Variants in TRNAU1AP observed in about 807,000 individuals in gnomAD.
TRNAU1AP encodes the protein tRNA selenocysteine 1 associated protein 1.
Under a neutral mutation model 43.3 loss-of-function variants are expected in TRNAU1AP, and 33 were observed. That is an observed-to-expected ratio of 0.76 (90% confidence interval 0.58 to 1.02). The LOEUF is 1.02. Ranked by LOEUF, TRNAU1AP falls within the 50% of genes least tolerant of loss-of-function variation. TRNAU1AP has a pLI of 0.00. For synonymous variants in TRNAU1AP, 143 were observed against 129.1 expected (o/e 1.11, Z -0.73); for missense variants, 290 against 362.7 (o/e 0.80, Z 1.63).
intron 1 of TRNAU1AP, 120 bp from the exon 2 acceptor site, chr1:28,553,520 C>G (rs1665182148): frequency 5.3e-6 from 5 of 936,392 alleles, no homozygotes; most frequent in Non-Finnish European, 8.2e-6. Context: ...GGAGGCGAAC[C>G]TCGCCCCTCG....
intron 3 of TRNAU1AP, chr1:28,561,143 C>T (rs1323015941): frequency 7.0e-7 from 1 of 1,419,546 alleles, no homozygotes; most frequent in East Asian, 2.6e-5. Context: ...CCAGCTGGCA[C>T]ACCTGGGCTC....
intron 2 of TRNAU1AP, among the ~76,000 whole-genome samples, chr1:28,559,133 G>A (rs1241921662): frequency 2.6e-5 from 4 of 151,472 alleles, no homozygotes; most frequent in East Asian, 2.0e-4. Flanking sequence ...GTGCAGTGGC[G>A]CGATCTCGGC....
intron 8 of TRNAU1AP, among the ~76,000 whole-genome samples, chr1:28,576,828 A>G (rs527437989): frequency 1.2e-4 from 18 of 151,996 alleles, no homozygotes; most frequent in Admixed American, 3.3e-4. Context: ...TGAACTCCCG[A>G]CTTCTGGTGA....
chr1:28,570,596 C>T (rs1298892377), intron 6 of TRNAU1AP, among the ~76,000 whole-genome samples: 1 of 151,420 alleles, frequency 6.6e-6, no homozygotes, highest in East Asian at 1.9e-4. Context: ...TTTGCCAGTC[C>T]TGACATAGTT....
At chr1:28,566,228 T>A (rs1013558249) in intron 5 of TRNAU1AP, among the ~76,000 whole-genome samples, 19 of 148,668 alleles carry the variant, frequency 1.3e-4, no homozygotes, top group Non-Finnish European at 2.7e-4. Context: ...AGCAGAAGAA[T>A]CGCTTCAACC....
In TRNAU1AP at chr1:28,560,713, C is replaced by G; in HGVS notation, c.206C>G (p.Pro69Arg). Residue 69 changes from proline to arginine, a missense_variant, in exon 3 of 9, where the codon CCC becomes CGC. Pro to Arg is a moderately radical substitution (Grantham distance 103). This residue lies in a region of TRNAU1AP where 174 missense variants were observed against 262.1 expected (regional missense o/e 0.66). Coordinates refer to ENST00000373830, the MANE Select transcript of TRNAU1AP (RefSeq NM_017846.5). ...EKCLHKINGK[P>R]LPGATPAKRF... ...TGTTTGCATAAAATTAATGGGAAACCCCTTCCAGGAGCCACACCTGTAAGG... is the reference window on the plus strand; with the variant it reads ...TGTTTGCATAAAATTAATGGGAAACGCCTTCCAGGAGCCACACCTGTAAGG... 1 of 1,613,834 alleles carries G rather than the reference C, an allele frequency of 6.2e-7. No individual in the cohort carries two copies. The highest frequency in any genetic ancestry group is 1.1e-5 in the South Asian group (1 of 91,064).
intron 6 of TRNAU1AP, 126 bp from the exon 7 acceptor site, chr1:28,571,050 G>C (rs1665651619): frequency 1.1e-6 from 1 of 897,548 alleles, no homozygotes; most frequent in Admixed American, 2.4e-5. Flanking sequence ...AGGCAACAGA[G>C]CAAGACTCTG....
intron 1 of TRNAU1AP, 35 bp downstream of exon 1, chr1:28,553,172 A>G (rs1451403207): frequency 6.8e-6 from 10 of 1,478,206 alleles, no homozygotes; most frequent in African/African-American, 1.5e-5. Context: ...TCTGAAGACA[A>G]GGAAGCATCT....
In TRNAU1AP at chr1:28,577,560, AGCTGTATGAC is replaced by A. The variant is rs755845552; in HGVS notation, c.792_801del (p.Tyr265Ter). ...AAGGAGTTCATGGAACAGAGTGAGG[AGCTGTATGAC>A]GCTCTGATGGACTGTCACTGGCAGC... is the stretch of plus-strand genomic sequence containing the variant. On this transcript the variant is annotated frameshift_variant, in exon 9 of 9. Coordinates refer to ENST00000373830, the MANE Select transcript of TRNAU1AP (RefSeq NM_017846.5). LOFTEE classifies it high-confidence loss of function. The A allele has an allele frequency of 6.2e-7, 1 of 1,614,110 alleles. No individual in the cohort carries two copies. Among genetic ancestry groups the A allele is most frequent in the Non-Finnish European group, 8.5e-7 (1 of 1,180,008 alleles).
At chr1:28,556,925 C>T (rs1241783208) in intron 2 of TRNAU1AP, among the ~76,000 whole-genome samples, 1 of 151,540 alleles carries the variant, frequency 6.6e-6, no homozygotes, top group African/African-American at 2.4e-5. Context: ...CCTCTGCCTG[C>T]CTCAGCCTCC....
At chr1:28,565,804 A>G (rs1665525487) in intron 5 of TRNAU1AP, 10 of 152,084 alleles carry the variant, frequency 6.6e-5, no homozygotes, top group Admixed American at 6.6e-4. Flanking sequence ...AAAAAAAAGA[A>G]AAAATGGAAA....
At chr1:28,574,235 G>C (rs1401849201) in intron 8 of TRNAU1AP, among the ~76,000 whole-genome samples, 1 of 151,862 alleles carries the variant, frequency 6.6e-6, no homozygotes, top group Non-Finnish European at 1.5e-5. Flanking sequence ...TTACAGGCAT[G>C]CACCACCACG....
At chr1:28,571,087 TA>T in intron 6 of TRNAU1AP, 88 bp from the exon 7 acceptor site, 1 of 1,323,092 alleles carries the variant, frequency 7.6e-7, no homozygotes, top group Non-Finnish European at 1.1e-6. Flanking sequence ...AGTTAATCGG[TA>T]TAAAGCACTT....
chr1:28,574,067 G>A (rs536547320), intron 8 of TRNAU1AP, among the ~76,000 whole-genome samples: 3 of 147,962 alleles, frequency 2.0e-5, no homozygotes, highest in South Asian at 2.2e-4. Context: ...AACATAACGA[G>A]ACCCCATCTC....
At chr1:28,565,055 C>T (rs1446148842) in intron 5 of TRNAU1AP, 3 of 554,428 alleles carry the variant, frequency 5.4e-6, no homozygotes, top group Non-Finnish European at 9.5e-6. Flanking sequence ...TAAAATGGAG[C>T]TGATTAATAA....
chr1:28,575,176 T>C (rs1473516035), intron 8 of TRNAU1AP, among the ~76,000 whole-genome samples: 1 of 152,156 alleles, frequency 6.6e-6, no homozygotes, highest in Non-Finnish European at 1.5e-5. Flanking sequence ...TTTCTTTTTC[T>C]TGAGAGTCTT....
chr1:28,571,095 A>C, intron 6 of TRNAU1AP, 81 bp from the exon 7 acceptor site: 1 of 1,392,814 alleles, frequency 7.2e-7, no homozygotes, highest in Non-Finnish European at 1.0e-6. Flanking sequence ...GGTATAAAGC[A>C]CTTAAAATAG....
At chr1:28,562,897 CTTTT>C (rs780392283) in intron 4 of TRNAU1AP, among the ~76,000 whole-genome samples, 1 of 118,594 alleles carries the variant, frequency 8.4e-6, no homozygotes. Flanking sequence ...TTTGTGTATT[CTTTT>C]TTTTTTTTTT....
chr1:28,573,634 G>A (rs763872262), intron 8 of TRNAU1AP, among the ~76,000 whole-genome samples: 3 of 152,064 alleles, frequency 2.0e-5, no homozygotes, highest in African/African-American at 7.2e-5. Context: ...TTAGCCAGGC[G>A]TGGTGTTGCG....
Sources: gnomAD v4.1 joint callset for allele counts (sites outside exome capture counted in the v4.1 genomes callset) on GRCh38, gnomAD v4.1.1 for gene constraint, gnomAD v4.1.1 regional missense constraint, MANE v1.5 for transcripts, NCBI Gene and HGNC (gene_info 2026-07-23, HGNC 2026-07-21) for gene names.